MYO5A: variants seen among roughly 807,000 people sequenced by gnomAD.
MYO5A encodes unconventional myosin-Va.
A neutral mutation model predicts 249.7 loss-of-function variants in MYO5A; 98 were observed. The ratio of observed to expected loss-of-function variants is 0.39; its 90% CI spans 0.33 to 0.46. The LOEUF is 0.46. Ranked by LOEUF, MYO5A falls within the 20% of genes least tolerant of loss-of-function variation. The pLI, the probability that MYO5A is intolerant of heterozygous loss-of-function variation, is 0.98. For synonymous variants in MYO5A, 778 were observed against 810.6 expected (o/e 0.96, Z 0.68); for missense variants, 1,696 against 2,308.8 (o/e 0.73, Z 5.44).
At chr15:52,322,629 C>G (rs920787945) in intron 37 of MYO5A, among the ~76,000 whole-genome samples, 6 of 152,240 alleles carry the variant, frequency 3.9e-5, no homozygotes, top group African/African-American at 1.4e-4. Context: ...ACTAAAGCAG[C>G]CCTTAATAGT....
At chr15:52,348,197 T>C (rs1015182683) in intron 29 of MYO5A, among the ~76,000 whole-genome samples, 4 of 152,248 alleles carry the variant, frequency 2.6e-5, no homozygotes, top group African/African-American at 9.6e-5. Flanking sequence ...AGGAAGTTCC[T>C]GATTCACTGC....
intron 39 of MYO5A, among the ~76,000 whole-genome samples, chr15:52,318,687 A>T (rs1405311746): frequency 6.6e-6 from 1 of 152,182 alleles, no homozygotes; most frequent in African/African-American, 2.4e-5. Context: ...AATCTTCATT[A>T]TTATAATTTA....
intron 1 of MYO5A, among the ~76,000 whole-genome samples, chr15:52,514,644 G>A (rs2077461257): frequency 1.3e-5 from 2 of 152,188 alleles, no homozygotes; most frequent in Non-Finnish European, 2.9e-5. Context: ...GTGTACTACA[G>A]CCTCACTGCT....
intron 35 of MYO5A, among the ~76,000 whole-genome samples, chr15:52,328,862 C>T (rs118003457): frequency 0.039 from 6,009 of 152,256 alleles, 185 homozygotes; most frequent in South Asian, 0.14. Context: ...CCTGGGCCTA[C>T]GTGCTTACTG....
At chr15:52,409,384 A>G (rs1449606081) in intron 6 of MYO5A, among the ~76,000 whole-genome samples, 2 of 152,214 alleles carry the variant, frequency 1.3e-5, no homozygotes, top group Non-Finnish European at 2.9e-5. Flanking sequence ...AGCCATCAGC[A>G]TAGTAACACT....
chr15:52,519,625 T>A lies in MYO5A; in HGVS notation c.27+9155A>T, dbSNP rs200062202. ...AGACCTTGTCTAAAAAAAATAATAA[T>A]AATAATAATAATAATAATACATGAA... On this transcript the variant is annotated intron_variant, in intron 1 of 41. Coordinates refer to ENST00000399233, the MANE Select transcript of MYO5A (RefSeq NM_001382347.1). 7.3e-3 allele frequency among the ~76,000 whole-genome samples: 1,087 copies of A among 149,456 alleles called. 13 individuals carry two copies. The highest frequency in any genetic ancestry group is 0.038 in the South Asian group (181 of 4,706).
intron 1 of MYO5A, among the ~76,000 whole-genome samples, chr15:52,516,058 AGGTAGGTTTT>A (rs2077489650): frequency 2.0e-5 from 3 of 152,202 alleles, no homozygotes; most frequent in Admixed American, 2.0e-4. Context: ...AAACCACATA[AGGTAGGTTTT>A]ATTATCACCA....
Position 52,519,988 on chromosome 15 carries a change from C to G in MYO5A, c.27+8792G>C, listed in dbSNP as rs546219598. Among the ~76,000 whole-genome samples the G allele has an allele frequency of 2.0e-5, 3 of 152,268 alleles. No homozygotes were observed. In the South Asian group the frequency reaches 6.2e-4, roughly 32 times the overall value. ...TCATGATCCGCCCGCCTTGGCCTCC[C>G]AAAGTGCTGAGGATTACAGGCATGA... On this transcript the variant is annotated intron_variant, in intron 1 of 41. Coordinates refer to ENST00000399233, the MANE Select transcript of MYO5A (RefSeq NM_001382347.1).
Position 52,401,297 on chromosome 15 carries a change from TAGCCTC to T in MYO5A, c.1054-3837_1054-3832del, listed in dbSNP as rs2042744286. Among the ~76,000 whole-genome samples, 3 of 152,236 alleles carry T rather than the reference TAGCCTC, an allele frequency of 2.0e-5. No homozygotes were observed. In the South Asian group the frequency reaches 6.2e-4, roughly 32 times the overall value. The stretch of plus-strand genomic sequence containing the variant: ...GTTGGCCAGGCTAGTCTCAAACTCT[TAGCCTC>T]AGGTGATCCACCCGCCTCAGCCTCC... On this transcript the variant is annotated intron_variant, in intron 9 of 41. Coordinates refer to ENST00000399233, the MANE Select transcript of MYO5A (RefSeq NM_001382347.1).
At chr15:52,320,763 C>T (rs1269506015) in intron 38 of MYO5A, among the ~76,000 whole-genome samples, 4 of 152,054 alleles carry the variant, frequency 2.6e-5, no homozygotes, top group Admixed American at 2.0e-4. Flanking sequence ...CCTGTAATCC[C>T]AGCACTTTGG....
Position 52,450,843 on chromosome 15 carries a change from GTTT to G in MYO5A, c.28-17561_28-17559del, listed in dbSNP as rs56842960. On this transcript the variant is annotated intron_variant, in intron 1 of 41. Coordinates refer to ENST00000399233, the MANE Select transcript of MYO5A (RefSeq NM_001382347.1). Reference sequence around the variant, plus strand: ...CTTATGATTAGATTGCACTACTGTGGTTTTTTTTTTTTTTTTTTTTTTGTGACA... The same window carrying G: ...CTTATGATTAGATTGCACTACTGTGGTTTTTTTTTTTTTTTTTTTGTGACA... 3.1e-4 allele frequency among the ~76,000 whole-genome samples: 26 copies of G among 84,590 alleles called. No homozygotes were observed. The Admixed American group carries it at 3.4e-3, about 11-fold the overall frequency. The allele number at this position is 84,590 out of a possible 152,430, so 55.5% of individuals were successfully genotyped here. A position where few individuals can be genotyped will look rare whatever the true frequency, so the allele number is the denominator to read the frequency against.
intron 1 of MYO5A, among the ~76,000 whole-genome samples, chr15:52,517,514 G>A (rs139869075): frequency 2.0e-5 from 3 of 152,114 alleles, no homozygotes; most frequent in East Asian, 1.9e-4. Context: ...GTGAAATCCC[G>A]TCTCTACTAA....
At chr15:52,347,655 AT>A (rs1312226863) in intron 29 of MYO5A, among the ~76,000 whole-genome samples, 7 of 152,212 alleles carry the variant, frequency 4.6e-5, no homozygotes, top group Non-Finnish European at 8.8e-5. Flanking sequence ...CTTAAAAAAA[AT>A]ACCACTTTTC....
intron 1 of MYO5A, among the ~76,000 whole-genome samples, chr15:52,519,640 T>C (rs59477983): frequency 0.15 from 22,354 of 150,670 alleles, 1,793 homozygotes; most frequent in Middle Eastern, 0.22. Flanking sequence ...ATAATAATAA[T>C]AATACATGAA....
At chr15:52,320,503 A>C (rs1354520699) in intron 38 of MYO5A, among the ~76,000 whole-genome samples, 3 of 152,152 alleles carry the variant, frequency 2.0e-5, no homozygotes, top group African/African-American at 4.8e-5. Context: ...AATTTTTGCC[A>C]ACCTAGGGTG....
chr15:52,399,987 T>C (rs957203791), intron 9 of MYO5A, among the ~76,000 whole-genome samples: 1 of 152,236 alleles, frequency 6.6e-6, no homozygotes, highest in African/African-American at 2.4e-5. Context: ...ATGATTTCAT[T>C]CTTTTTTATG....
In MYO5A at chr15:52,360,151, A is replaced by G. The variant is rs990860591; in HGVS notation, c.3310-70T>C. On this transcript the variant is annotated intron_variant, in intron 24 of 41. Coordinates refer to ENST00000399233, the MANE Select transcript of MYO5A (RefSeq NM_001382347.1). ...TCTAGGCATAGTTAAGACAGCATCC[A>G]CCTTGACTTGGTTCTTATCCCTACT... 7 of 1,047,874 alleles carry G rather than the reference A, an allele frequency of 6.7e-6. No homozygotes were observed. The Middle Eastern group carries it at 6.0e-4, about 90-fold the overall frequency. 64.9% of individuals were successfully genotyped at this position (1,047,874 alleles called of 1,614,324 possible). A position where few individuals can be genotyped will look rare whatever the true frequency, so the allele number is the denominator to read the frequency against.
chr15:52,401,362 G>A (rs1202926315), intron 9 of MYO5A, among the ~76,000 whole-genome samples: 2 of 152,166 alleles, frequency 1.3e-5, no homozygotes, highest in African/African-American at 2.4e-5. Context: ...GAGCTACCAC[G>A]CCTGGCCTCT....
chr15:52,406,793 C>T (rs959939168), intron 8 of MYO5A, among the ~76,000 whole-genome samples: 3 of 152,112 alleles, frequency 2.0e-5, no homozygotes, highest in Non-Finnish European at 4.4e-5. Flanking sequence ...GAATAAACTA[C>T]ATGTAATGGA....
Sources: gnomAD v4.1 joint callset for allele counts (sites outside exome capture counted in the v4.1 genomes callset) on GRCh38, gnomAD v4.1.1 for gene constraint, MANE v1.5 for transcripts, NCBI Gene and HGNC (gene_info 2026-07-23, HGNC 2026-07-21) for gene names.